The following MYO19 variants were observed in gnomAD, a reference collection of about 807,000 sequenced individuals.
MYO19 encodes the protein unconventional myosin-XIX.
In MYO19, 132 loss-of-function variants were observed where a neutral mutation model predicts 129.2. The observed-to-expected ratio is 1.02, with a 90% CI of 0.89 to 1.18. MYO19 has a LOEUF of 1.18. MYO19 is among the 50% of genes most tolerant of loss of function. The probability of loss-of-function intolerance (pLI) is 0.00; values close to 1 mark genes in which losing one functional copy is unlikely to be tolerated. For missense variants in MYO19, 1,210 were observed against 1,216.7 expected (o/e 0.99, Z 0.08); for synonymous variants, 531 against 477.2 (o/e 1.11, Z -1.47).
chr17:36,519,299 T>C (rs776664788), intron 6 of MYO19, among the ~76,000 whole-genome samples: 40 of 152,264 alleles, frequency 2.6e-4, no homozygotes, highest in Non-Finnish European at 4.7e-4. Context: ...GTTTTCTTGA[T>C]GAATTCACCC....
At chr17:36,507,378 C>T (rs1567744796) in intron 16 of MYO19, 21 bp downstream of exon 16, 9 of 1,605,194 alleles carry the variant, frequency 5.6e-6, no homozygotes, top group Non-Finnish European at 6.8e-6. Flanking sequence ...TGGTGCTCGG[C>T]TCATTAGCTG....
rs1301481383 is a variant in MYO19, at chr17:36,507,076, C to A, written c.1531G>T (p.Ala511Ser). 4 of 1,613,572 alleles carry A rather than the reference C, an allele frequency of 2.5e-6. No individual in the cohort carries two copies. The highest frequency in any genetic ancestry group is 2.5e-6 in the Non-Finnish European group (3 of 1,179,626). The part of the protein sequence containing the change: ...QLQTRIETAL[A>S]GSPCLGHNKL... ...TTGTGGCCCAGGCAGGGGCTGCCTG[C>A]CAGGGCAGTCTCAATGCGTGTCTGG... is the stretch of plus-strand genomic sequence containing the variant. Residue 511 changes from alanine to serine, a missense_variant, in exon 17 of 26, where the codon GCA becomes TCA. By Grantham distance (99) the Ala-to-Ser change is moderately conservative (BLOSUM62 1). Coordinates refer to ENST00000614623, the MANE Select transcript of MYO19 (RefSeq NM_001163735.2).
rs2071647215 is a variant in MYO19, at chr17:36,503,143, G to A, written c.2034C>T (p.Cys678=). Residue 678 remains cysteine (C), a synonymous_variant, in exon 21 of 26, where the codon TGC becomes TGT. Transcript: ENST00000614623. ...ATGGGCTGTCGGGGCCAGAGGATGT[G>A]CAAGGATGAAGCCTTCTTAGTAACT... ...RYKLLRRLHP[C]TSSGPDSPYP... 1.2e-6 allele frequency: 2 copies of A among 1,613,944 alleles called. No homozygotes were observed. Among genetic ancestry groups the A allele is most frequent in the African/African-American group, 1.3e-5 (1 of 74,940 alleles).
At chr17:36,537,297 G>T, upstream of MYO19, 1 of 1,613,594 alleles carries the variant, frequency 6.2e-7, no homozygotes, top group Non-Finnish European at 8.5e-7. Context: ...TGTCCTAATA[G>T]TTCCCATGGT....
chr17:36,522,472 C>G (rs2073194658), intron 6 of MYO19, among the ~76,000 whole-genome samples: 1 of 151,740 alleles, frequency 6.6e-6, no homozygotes, highest in South Asian at 2.1e-4. Flanking sequence ...ATCACACCAC[C>G]TGCACTCCAG....
At position 36,532,554 on chromosome 17, in the gene MYO19, T is replaced by G; in HGVS notation, c.-16A>C. The G allele has an allele frequency of 6.4e-7, 1 of 1,554,332 alleles. No individual in the cohort carries two copies. Among genetic ancestry groups the G allele is most frequent in the Non-Finnish European group, 8.7e-7 (1 of 1,148,492 alleles). On this transcript the variant is annotated 5_prime_UTR_variant, in exon 3 of 26. The change abolishes the stop of an existing upstream ORF in the 5' untranslated region. Coordinates refer to ENST00000614623, the MANE Select transcript of MYO19 (RefSeq NM_001163735.2). Reference sequence around the variant, plus strand: ...GCTGGAGCATCCTCCTTCAAAGTGGTCAGCCAGGGTTCTGGGTTGCAGGAG... The same window carrying G: ...GCTGGAGCATCCTCCTTCAAAGTGGGCAGCCAGGGTTCTGGGTTGCAGGAG...
At chr17:36,505,191 C>A (rs771684377) in intron 19 of MYO19, 106 bp downstream of exon 19, 1 of 1,023,080 alleles carries the variant, frequency 9.8e-7, no homozygotes, top group Non-Finnish European at 1.6e-6. Context: ...GCCGGAGAGA[C>A]CACTTCTGTG....
upstream of MYO19, chr17:36,537,769 T>C: frequency 1.2e-6 from 2 of 1,614,138 alleles, no homozygotes; most frequent in East Asian, 2.2e-5. Context: ...ATAAAATCAA[T>C]AGGCTATCAG....
At chr17:36,497,549 CCT>C (rs2071103180) in intron 25 of MYO19, 5 of 984,684 alleles carry the variant, frequency 5.1e-6, no homozygotes, top group Non-Finnish European at 6.0e-6. Context: ...GTGAATTTTT[CCT>C]CTTTTCTGTA....
chr17:36,499,269 T>A (rs959925247), intron 23 of MYO19, 109 bp from the exon 24 acceptor site: 1 of 741,726 alleles, frequency 1.3e-6, no homozygotes, highest in African/African-American at 1.8e-5. Context: ...CAAATACGTT[T>A]TTTTTTTTTC....
intron 13 of MYO19, chr17:36,509,767 T>G (rs2072187500): frequency 6.5e-6 from 1 of 152,890 alleles, no homozygotes; most frequent in African/African-American, 2.4e-5. Context: ...GTAAATAAAC[T>G]GGCTCTTTTT....
rs556711618 is a variant in MYO19, at chr17:36,513,838, TCA to T, written c.721-115_721-114del. 4.5e-4 allele frequency: 402 copies of T among 888,330 alleles called. 2 individuals are homozygous for T. The African/African-American group carries it at 6.2e-3, about 14-fold the overall frequency. 55.0% of individuals were successfully genotyped at this position (888,330 alleles called of 1,614,324 possible). A position where few individuals can be genotyped will look rare whatever the true frequency, so the allele number is the denominator to read the frequency against. Reference sequence around the variant, plus strand: ...AGAGTTGGTAGCAACATCACAAGGCTCAGAGGTCCCTTCCGAGAGCCCACGGC... The same window carrying T: ...AGAGTTGGTAGCAACATCACAAGGCTGAGGTCCCTTCCGAGAGCCCACGGC... On this transcript the variant is annotated intron_variant, in intron 9 of 25. Coordinates refer to ENST00000614623, the MANE Select transcript of MYO19 (RefSeq NM_001163735.2).
rs2071503890 is a variant in MYO19 at position 36,501,232 on chromosome 17, C to T, written c.2084G>A (p.Trp695Ter). Reference protein sequence around the residue: ...SPYPAKGLPEWCPHSEEATLE... With the variant: ...SPYPAKGLPE ...CGTGGCTTCCTCGCTGTGTGGACAC[C>T]ATTCTGGGGGAGGGAGATGGCCCCA... Residue 695 changes from tryptophan to a stop codon, truncating the protein, a stop_gained, in exon 22 of 26, where the codon TGG becomes TAG. Coordinates refer to ENST00000614623, the MANE Select transcript of MYO19 (RefSeq NM_001163735.2). LOFTEE classifies it high-confidence loss of function. 3 of 1,609,530 alleles carry T rather than the reference C, an allele frequency of 1.9e-6. No individual in the cohort carries two copies. Among genetic ancestry groups the T allele is most frequent in the Admixed American group, 3.3e-5 (2 of 59,804 alleles).
intron 5 of MYO19, among the ~76,000 whole-genome samples, chr17:36,526,483 A>G (rs532164352): frequency 2.6e-5 from 4 of 152,266 alleles, no homozygotes; most frequent in African/African-American, 7.2e-5. Flanking sequence ...CCCACCCCAA[A>G]TAACTTATCC....
upstream of MYO19, chr17:36,537,682 C>T (rs767291796): frequency 6.2e-7 from 1 of 1,614,010 alleles, no homozygotes; most frequent in South Asian, 1.1e-5. Context: ...ATGGAAGGGT[C>T]CAAATTGCAT....
At chr17:36,519,760 A>C (rs2073027281) in intron 6 of MYO19, among the ~76,000 whole-genome samples, 1 of 152,146 alleles carries the variant, frequency 6.6e-6, no homozygotes, top group African/African-American at 2.4e-5. Context: ...TTGCAGTGCA[A>C]GTCTGCAGGC....
At chr17:36,504,196 C>T (rs2071725077) in intron 19 of MYO19, 176 bp from the exon 20 acceptor site, 4 of 524,766 alleles carry the variant, frequency 7.6e-6, no homozygotes, top group Non-Finnish European at 1.3e-5. Flanking sequence ...ACCTTGAAAA[C>T]AAATCTCCCA....
At chr17:36,503,677 T>C (rs1019340333) in intron 20 of MYO19, among the ~76,000 whole-genome samples, 9 of 152,226 alleles carry the variant, frequency 5.9e-5, no homozygotes, top group African/African-American at 1.4e-4. Flanking sequence ...TTCCTCCCAA[T>C]TGCTTGTCAG....
intron 6 of MYO19, among the ~76,000 whole-genome samples, chr17:36,522,029 A>C (rs112800961): frequency 2.1e-5 from 3 of 140,476 alleles, no homozygotes; most frequent in Non-Finnish European, 3.1e-5. Context: ...GACTGTCTTT[A>C]AAAAAAAAAA....
Sources: gnomAD v4.1 joint callset for allele counts (sites outside exome capture counted in the v4.1 genomes callset) on GRCh38, gnomAD v4.1.1 for gene constraint, MANE v1.5 for transcripts, NCBI Gene and HGNC (gene_info 2026-07-23, HGNC 2026-07-21) for gene names.